Variants in DENND5B observed in about 807,000 individuals in gnomAD.
DENND5B encodes the protein DENN domain-containing protein 5B.
DENND5B carries 34 observed loss-of-function variants against 140.6 expected under a neutral mutation model. The observed-to-expected ratio is 0.24, with a 90% CI of 0.18 to 0.32. The LOEUF (loss-of-function observed/expected upper bound fraction) is 0.32, where lower values mean the gene tolerates loss of function less well. Ranked by LOEUF, DENND5B falls within the 10% of genes least tolerant of loss-of-function variation. DENND5B has a pLI of 1.00. For synonymous variants in DENND5B, 551 were observed against 562.1 expected (o/e 0.98, Z 0.28); for missense variants, 1,142 against 1,560.2 (o/e 0.73, Z 4.52).
intron 1 of DENND5B, among the ~76,000 whole-genome samples, chr12:31,570,671 CATT>C (rs1404378814): frequency 6.6e-6 from 1 of 150,994 alleles, no homozygotes; most frequent in Non-Finnish European, 1.5e-5. Flanking sequence ...TTGGCACTGT[CATT>C]ATTAACAAAA....
chr12:31,447,466 G>C (rs7976644), intron 6 of DENND5B, 72 bp downstream of exon 6: 3 of 1,333,674 alleles, frequency 2.2e-6, no homozygotes, highest in Non-Finnish European at 3.1e-6. Context: ...TTTGTTGTAC[G>C]TAAGGCCAGC....
intron 2 of DENND5B, among the ~76,000 whole-genome samples, chr12:31,481,348 T>C (rs1946060842): frequency 6.6e-6 from 1 of 152,232 alleles, no homozygotes; most frequent in Non-Finnish European, 1.5e-5. Context: ...TATGATACAA[T>C]GGTGGGAAGG....
intron 1 of DENND5B, among the ~76,000 whole-genome samples, chr12:31,557,995 G>A (rs879374806): frequency 7.9e-5 from 12 of 152,074 alleles, no homozygotes; most frequent in Admixed American, 7.2e-4. Context: ...TGAAGCTCCG[G>A]TGAGCTATGA....
chr12:31,526,421 A>G (rs918715256), intron 1 of DENND5B, among the ~76,000 whole-genome samples: 1 of 152,242 alleles, frequency 6.6e-6, no homozygotes, highest in Non-Finnish European at 1.5e-5. Context: ...GTCAAATCCT[A>G]TGATCTTGTC....
rs141818675 is a variant in DENND5B at position 31,436,814 on chromosome 12, C to T, written c.2013-3566G>A. 5.3e-5 allele frequency among the ~76,000 whole-genome samples: 8 copies of T among 152,244 alleles called. No individual in the cohort carries two copies. In the East Asian group the frequency reaches 7.7e-4, roughly 15 times the overall value. Reference sequence around the variant, plus strand: ...CCTCCCAAAGTGCTGGGATTACAGACGTGAGTCACTGCGCCCGACCCAGCT... The same window carrying T: ...CCTCCCAAAGTGCTGGGATTACAGATGTGAGTCACTGCGCCCGACCCAGCT... On this transcript the variant is annotated intron_variant, in intron 7 of 20. Coordinates refer to ENST00000389082, the MANE Select transcript of DENND5B (RefSeq NM_144973.4).
intron 1 of DENND5B, among the ~76,000 whole-genome samples, chr12:31,518,840 G>A (rs1181721267): frequency 6.6e-6 from 1 of 152,078 alleles, no homozygotes; most frequent in East Asian, 1.9e-4. Context: ...TGCAGCAACT[G>A]CAGCTGGCCT....
intron 1 of DENND5B, among the ~76,000 whole-genome samples, chr12:31,549,511 T>A (rs1373753592): frequency 6.6e-6 from 1 of 151,158 alleles, no homozygotes; most frequent in African/African-American, 2.4e-5. Flanking sequence ...AAGGCCATTC[T>A]TTTTTTTTAA....
intron 1 of DENND5B, among the ~76,000 whole-genome samples, chr12:31,554,857 T>C (rs1277397799): frequency 6.6e-6 from 1 of 152,252 alleles, no homozygotes; most frequent in African/African-American, 2.4e-5. Flanking sequence ...CATTGGCTAC[T>C]GAGGCTTCTG....
At chr12:31,553,787 T>C (rs927560668) in intron 1 of DENND5B, among the ~76,000 whole-genome samples, 1 of 152,280 alleles carries the variant, frequency 6.6e-6, no homozygotes, top group African/African-American at 2.4e-5. Flanking sequence ...TTAACTCTTC[T>C]TGTTGAATTG....
chr12:31,440,933 G>A (rs971928629), intron 7 of DENND5B, among the ~76,000 whole-genome samples: 9 of 152,096 alleles, frequency 5.9e-5, no homozygotes, highest in Non-Finnish European at 8.8e-5. Flanking sequence ...ACGGGGTTTC[G>A]CCACATTGGC....
chr12:31,466,092 G>C (rs1336372901), intron 3 of DENND5B, among the ~76,000 whole-genome samples: 1 of 152,200 alleles, frequency 6.6e-6, no homozygotes, highest in Non-Finnish European at 1.5e-5. Flanking sequence ...GGGTGTGGTG[G>C]CTCACGCCTG....
chr12:31,470,986 T>A (rs557549693), intron 3 of DENND5B, among the ~76,000 whole-genome samples: 1 of 151,896 alleles, frequency 6.6e-6, no homozygotes, highest in South Asian at 2.1e-4. Context: ...TCCCAGGGAG[T>A]GGGATTCACT....
chr12:31,488,084 T>C (rs942589163), intron 2 of DENND5B, among the ~76,000 whole-genome samples: 1 of 151,908 alleles, frequency 6.6e-6, no homozygotes. Flanking sequence ...GCCTCCCAAG[T>C]AGCTGGGATT....
At chr12:31,492,832 T>C (rs1946586392) in intron 2 of DENND5B, among the ~76,000 whole-genome samples, 1 of 152,244 alleles carries the variant, frequency 6.6e-6, no homozygotes, top group Non-Finnish European at 1.5e-5. Flanking sequence ...CTACATAATA[T>C]CTATAGTAGA....
Position 31,460,381 on chromosome 12 carries a change from T to C in DENND5B, c.905A>G (p.Asp302Gly). The C allele has an allele frequency of 1.2e-6, 2 of 1,613,502 alleles. No homozygotes were observed. Among genetic ancestry groups the C allele is most frequent in the Non-Finnish European group, 1.7e-6 (2 of 1,179,692 alleles). The change falls in exon 4 of 21, where the codon GAT becomes GGT. Residue 302 changes from aspartate (D) to glycine (G), a missense_variant and splice_region_variant. Physicochemically the swap from Asp to Gly is moderately conservative, Grantham distance 94. Transcript: ENST00000389082. ...TGCCACAGTCATCAGGCGTTGATAA[T>C]CTGCACAGAACAAGGAAAAAGGAAA... Reference protein sequence around the residue: ...LEMQILLYSQDYQRLMTVAEG... With the variant: ...LEMQILLYSQGYQRLMTVAEG...
intron 1 of DENND5B, among the ~76,000 whole-genome samples, chr12:31,521,156 A>G (rs768229894): frequency 4.6e-5 from 7 of 151,820 alleles, no homozygotes; most frequent in Non-Finnish European, 1.5e-5. Flanking sequence ...TAAGGATGCC[A>G]AGGGAAATAA....
chr12:31,512,195 G>C (rs544212658), intron 1 of DENND5B, among the ~76,000 whole-genome samples: 1 of 151,652 alleles, frequency 6.6e-6, no homozygotes, highest in Non-Finnish European at 1.5e-5. Flanking sequence ...GATTACAGGC[G>C]TGAGTCACCG....
At chr12:31,490,962 CAT>C (rs1946503584) in intron 2 of DENND5B, among the ~76,000 whole-genome samples, 2 of 152,134 alleles carry the variant, frequency 1.3e-5, no homozygotes, top group African/African-American at 4.8e-5. Flanking sequence ...TTAGGACAGA[CAT>C]AAAAAATAGA....
intron 4 of DENND5B, among the ~76,000 whole-genome samples, chr12:31,457,863 G>A (rs1312745501): frequency 6.6e-6 from 1 of 151,968 alleles, no homozygotes; most frequent in East Asian, 1.9e-4. Context: ...ACAGGCGCCT[G>A]CCACCACGCC....
Sources: allele counts gnomAD v4.1 joint callset (sites outside exome capture counted in the v4.1 genomes callset), GRCh38; gene constraint gnomAD v4.1.1; transcripts MANE v1.5; gene names NCBI Gene and HGNC (gene_info 2026-07-23, HGNC 2026-07-21).